Variants in SLC31A1 observed in about 807,000 individuals in gnomAD.
SLC31A1 encodes solute carrier family 31 member 1.
In SLC31A1, 5 loss-of-function variants were observed where a neutral mutation model predicts 17.2. The observed-to-expected ratio is 0.29, with a 90% confidence interval of 0.15 to 0.61. The LOEUF (loss-of-function observed/expected upper bound fraction) is 0.61, where lower values mean the gene tolerates loss of function less well. Ranked by LOEUF, SLC31A1 falls within the 20% of genes least tolerant of loss-of-function variation. The probability of loss-of-function intolerance (pLI) is 0.86; values close to 1 mark genes in which losing one functional copy is unlikely to be tolerated. For missense variants in SLC31A1, 161 were observed against 241.4 expected, an observed-to-expected ratio of 0.67 and a Z score of 2.21; for synonymous variants, 76 against 78.8, an observed-to-expected ratio of 0.96 and a Z score of 0.19.
chr9:113,228,602 G>A (rs547093113), intron 1 of SLC31A1, among the ~76,000 whole-genome samples: 41 of 152,154 alleles, frequency 2.7e-4, no homozygotes, highest in Non-Finnish European at 4.4e-4. Context: ...AGAGAAATAG[G>A]AGCTTCTATG....
chr9:113,234,605 G>A (rs1831436453), intron 1 of SLC31A1, among the ~76,000 whole-genome samples: 2 of 145,162 alleles, frequency 1.4e-5, no homozygotes, highest in South Asian at 2.2e-4. Context: ...TCAAGCTTTA[G>A]CATGCATAAG....
At chr9:113,243,769 C>T (rs79129713) in intron 1 of SLC31A1, among the ~76,000 whole-genome samples, 1,718 of 152,184 alleles carry the variant, frequency 0.011, 36 homozygotes, top group African/African-American at 0.039. Flanking sequence ...TCCATAAGTA[C>T]AGTTAAAGTA....
At chr9:113,254,426 G>A (rs888982847) in intron 1 of SLC31A1, among the ~76,000 whole-genome samples, 1 of 152,154 alleles carries the variant, frequency 6.6e-6, no homozygotes, top group African/African-American at 2.4e-5. Flanking sequence ...TAAATATTGA[G>A]TGAATGAATA....
intron 1 of SLC31A1, among the ~76,000 whole-genome samples, chr9:113,240,733 G>A (rs370394297): frequency 1.1e-4 from 16 of 152,180 alleles, no homozygotes; most frequent in South Asian, 1.0e-3. Flanking sequence ...GCCTGAAAAC[G>A]CATACAAATG....
chr9:113,230,609 G>T (rs962800748), intron 1 of SLC31A1, among the ~76,000 whole-genome samples: 1 of 152,176 alleles, frequency 6.6e-6, no homozygotes, highest in Non-Finnish European at 1.5e-5. Context: ...ATGGGGTACA[G>T]TGTGATATTT....
intron 1 of SLC31A1, among the ~76,000 whole-genome samples, chr9:113,252,612 C>G (rs1378518741): frequency 6.6e-6 from 1 of 152,116 alleles, no homozygotes; most frequent in African/African-American, 2.4e-5. Flanking sequence ...TAACAGTCCT[C>G]TACATGTTAT....
chr9:113,224,874 G>A lies in SLC31A1; in HGVS notation c.-36+3196G>A, dbSNP rs572591743. Among the ~76,000 whole-genome samples, 19 of 152,340 alleles carry A rather than the reference G, an allele frequency of 1.2e-4. No homozygotes were observed. In the South Asian group the frequency reaches 3.9e-3, roughly 32 times the overall value. ...CCACTTATTAGTTGTATAGGCCATA[G>A]ACAAGTTACTCAGTTTTTGCCTTTG... On this transcript the variant is annotated intron_variant, in intron 1 of 4. Transcript: ENST00000374212.
chr9:113,222,247 G>C (rs1293025355), intron 1 of SLC31A1, among the ~76,000 whole-genome samples: 1 of 152,128 alleles, frequency 6.6e-6, no homozygotes, highest in African/African-American at 2.4e-5. Context: ...CGCGGATGAG[G>C]TGCAGAAGAG....
At chr9:113,232,548 A>T (rs1245640051) in intron 1 of SLC31A1, among the ~76,000 whole-genome samples, 1 of 151,952 alleles carries the variant, frequency 6.6e-6, no homozygotes, top group Non-Finnish European at 1.5e-5. Context: ...AACAGCAGAG[A>T]TGGCCAGGCA....
At chr9:113,225,432 T>C (rs1172965017) in intron 1 of SLC31A1, among the ~76,000 whole-genome samples, 1 of 152,058 alleles carries the variant, frequency 6.6e-6, no homozygotes, top group African/African-American at 2.4e-5. Flanking sequence ...GGCTTAGGAG[T>C]GTATGAAGTA....
Position 113,260,450 on chromosome 9 carries a change from G to A in SLC31A1, c.550G>A (p.Asp184Asn). The change falls in exon 5 of 5, where the codon GAT becomes AAT. Residue 184 changes from aspartate to asparagine, a missense_variant. By Grantham distance (23) the Asp-to-Asn change is conservative. Transcript: ENST00000374212. ...CAGCTGGAAGAAGGCAGTGGTAGTG[G>A]ATATCACAGAGCATTGCCATTGACA... ...LFSWKKAVVV[D>N]ITEHCH 1.2e-6 allele frequency: 2 copies of A among 1,613,924 alleles called. No homozygotes were observed. Among genetic ancestry groups the A allele is most frequent in the Non-Finnish European group, 1.7e-6 (2 of 1,179,992 alleles).
At position 113,231,797 on chromosome 9, in the gene SLC31A1, G is replaced by T. The variant is rs1049707284; in HGVS notation, c.-36+10119G>T. On this transcript the variant is annotated intron_variant, in intron 1 of 4. Transcript: ENST00000374212. Reference sequence around the variant, plus strand: ...TAGAAGATAGAGTTTGATTAGTGTTGATTTTTTTTTATTTTAGATTTTAAA... The same window carrying T: ...TAGAAGATAGAGTTTGATTAGTGTTTATTTTTTTTTATTTTAGATTTTAAA... Among the ~76,000 whole-genome samples the T allele has an allele frequency of 3.9e-5, 6 of 151,992 alleles. No individual in the cohort carries two copies. In the East Asian group the frequency reaches 1.2e-3, roughly 29 times the overall value.
At chr9:113,246,112 G>T (rs1164878919) in intron 1 of SLC31A1, among the ~76,000 whole-genome samples, 2 of 150,488 alleles carry the variant, frequency 1.3e-5, no homozygotes, top group South Asian at 4.2e-4. Context: ...GTGCAGTGGT[G>T]CAATCACCAC....
intron 1 of SLC31A1, among the ~76,000 whole-genome samples, chr9:113,237,195 C>G (rs1394443325): frequency 6.6e-6 from 1 of 152,082 alleles, no homozygotes; most frequent in Non-Finnish European, 1.5e-5. Flanking sequence ...GTAGAGCAGC[C>G]AAGAGTACTG....
chr9:113,242,421 G>C (rs1831531949), intron 1 of SLC31A1, among the ~76,000 whole-genome samples: 1 of 152,122 alleles, frequency 6.6e-6, no homozygotes, highest in Admixed American at 6.6e-5. Context: ...GTTTTGTTTT[G>C]AGACAGAGTC....
intron 1 of SLC31A1, among the ~76,000 whole-genome samples, chr9:113,241,880 C>T (rs1438686221): frequency 2.0e-5 from 3 of 152,196 alleles, no homozygotes; most frequent in Non-Finnish European, 2.9e-5. Flanking sequence ...AAAACATTTT[C>T]GAGTATTTTG....
At chr9:113,254,997 A>G (rs1831705117) in intron 1 of SLC31A1, among the ~76,000 whole-genome samples, 1 of 152,224 alleles carries the variant, frequency 6.6e-6, no homozygotes, top group South Asian at 2.1e-4. Context: ...ACAAGGCTGA[A>G]TTTGCAGTTG....
At chr9:113,235,492 T>G (rs1057162986) in intron 1 of SLC31A1, among the ~76,000 whole-genome samples, 4 of 152,234 alleles carry the variant, frequency 2.6e-5, no homozygotes, top group African/African-American at 9.6e-5. Context: ...AACAAACTGC[T>G]GCTACACACA....
chr9:113,249,765 G>A (rs377400934), intron 1 of SLC31A1, among the ~76,000 whole-genome samples: 14 of 151,622 alleles, frequency 9.2e-5, no homozygotes, highest in African/African-American at 2.2e-4. Context: ...GAAAATTTTC[G>A]CAACCTACTC....
Sources: gnomAD v4.1 joint callset for allele counts (sites outside exome capture counted in the v4.1 genomes callset) on GRCh38, gnomAD v4.1.1 for gene constraint, MANE v1.5 for transcripts, NCBI Gene and HGNC (gene_info 2026-07-23, HGNC 2026-07-21) for gene names.